ZDHHC1: variants seen among roughly 807,000 people sequenced by gnomAD.
ZDHHC1 encodes the protein zDHHC palmitoyltransferase 1.
A neutral mutation model predicts 46.9 loss-of-function variants in ZDHHC1; 45 were observed. That is an observed-to-expected ratio of 0.96 (90% confidence interval 0.76 to 1.23). The LOEUF is 1.23. Among genes scored for constraint, ZDHHC1 ranks in the 50% most tolerant of loss-of-function variants. ZDHHC1 has a pLI of 0.00. For synonymous variants in ZDHHC1, 291 were observed against 286.0 expected (o/e 1.02, Z -0.18); for missense variants, 649 against 670.8 (o/e 0.97, Z 0.36).
chr16:67,407,071 G>A (rs1392367929), intron 2 of ZDHHC1, among the ~76,000 whole-genome samples: 1 of 152,198 alleles, frequency 6.6e-6, no homozygotes, highest in Non-Finnish European at 1.5e-5. Context: ...GTTCCCTTCA[G>A]CAGCAGAAAT....
Position 67,395,192 on chromosome 16 carries a change from G to C in ZDHHC1, c.1099C>G (p.Pro367Ala), listed in dbSNP as rs779967843. 2.6e-5 allele frequency: 42 copies of C among 1,612,446 alleles called. No individual in the cohort carries two copies. The highest frequency in any genetic ancestry group is 3.3e-5 in the Non-Finnish European group (39 of 1,179,830). Residue 367 changes from proline (P) to alanine (A), a missense_variant, in exon 10 of 12, where the codon CCC becomes GCC. Physicochemically the swap from Pro to Ala is conservative, Grantham distance 27. Coordinates refer to ENST00000565726, the MANE Select transcript of ZDHHC1 (RefSeq NM_001323627.2). ...CCCAGCACAGTCCCTCCTACCTGGG[G>C]TCGGATCCGGGGAGGCAGGGCGAGA... ...DTLALPPRIR[P>A]QKKRKRRVYK...
chr16:67,402,783 C>T (rs530203912), intron 3 of ZDHHC1, among the ~76,000 whole-genome samples: 10 of 152,278 alleles, frequency 6.6e-5, no homozygotes, highest in East Asian at 5.8e-4. Context: ...TTCGCCACCA[C>T]GCCTGGCTAA....
intron 6 of ZDHHC1, 36 bp from the exon 7 acceptor site, chr16:67,398,767 C>A (rs374778259): frequency 4.3e-6 from 7 of 1,611,680 alleles, no homozygotes; most frequent in Middle Eastern, 1.7e-4. Flanking sequence ...CAGCCGGGGA[C>A]GTGACGGGTG....
chr16:67,397,615 G>T (rs1430894912), intron 8 of ZDHHC1, among the ~76,000 whole-genome samples: 2 of 152,140 alleles, frequency 1.3e-5, no homozygotes, highest in Non-Finnish European at 2.9e-5. Flanking sequence ...CTAGTCCCTA[G>T]GGGCTCCTTT....
rs370038434 is a variant in ZDHHC1, at chr16:67,406,245, G to A, written c.207C>T (p.Ile69=). The A allele has an allele frequency of 2.5e-6, 4 of 1,613,196 alleles. No homozygotes were observed. In the African/African-American group the frequency reaches 4.0e-5, roughly 16 times the overall value. The change falls in exon 3 of 12, where the codon ATC becomes ATT. Residue 69 remains isoleucine, a synonymous_variant. Transcript: ENST00000565726. This position sits in a 1 kb window ranked among gnomAD's most constrained non-coding sequence, Gnocchi z 4.1. ...YLFFAVIGFG[I]LVPLLPHHWV... ...AGTGGTGAGGCAGGAGGGGAACAAG[G>A]ATCCCAAAGCCGATCACAGCAAAGA...
Position 67,408,719 on chromosome 16 carries a change from C to G in ZDHHC1, c.-38-906G>C, listed in dbSNP as rs137881739. Among the ~76,000 whole-genome samples the G allele has an allele frequency of 7.7e-3, 1,173 of 152,312 alleles. 17 individuals are homozygous for G. The highest frequency in any genetic ancestry group is 0.027 in the African/African-American group (1,122 of 41,558). On this transcript the variant is annotated intron_variant, in intron 1 of 11. Coordinates refer to ENST00000565726, the MANE Select transcript of ZDHHC1 (RefSeq NM_001323627.2). Reference sequence around the variant, plus strand: ...CAGGCTGGTCTCCAACTCCTGGGCTCAAGCGATCTTCCCACTTTATCCTCC... The same window carrying G: ...CAGGCTGGTCTCCAACTCCTGGGCTGAAGCGATCTTCCCACTTTATCCTCC...
At chr16:67,396,361 G>C (rs1429563895) in intron 8 of ZDHHC1, 3 of 152,316 alleles carry the variant, frequency 2.0e-5, no homozygotes, top group Non-Finnish European at 2.9e-5. Flanking sequence ...TGCGAGATGG[G>C]GGCGGGTCCC....
At chr16:67,398,503 G>A (rs1430314083) in intron 7 of ZDHHC1, 70 bp downstream of exon 7, 7 of 1,542,138 alleles carry the variant, frequency 4.5e-6, no homozygotes, top group South Asian at 3.5e-5. Context: ...AGGGTCCACC[G>A]TCCAACTGGG....
At chr16:67,409,056 A>G (rs2040708269) in intron 1 of ZDHHC1, among the ~76,000 whole-genome samples, 2 of 152,106 alleles carry the variant, frequency 1.3e-5, no homozygotes, top group South Asian at 4.1e-4. Flanking sequence ...GGAGTTTCCA[A>G]AGAGCAAAAC....
chr16:67,408,742 T>TC (rs1009895788), intron 1 of ZDHHC1, among the ~76,000 whole-genome samples: 18 of 152,172 alleles, frequency 1.2e-4, no homozygotes, highest in African/African-American at 4.3e-4. Flanking sequence ...CACTTTATCC[T>TC]CCCAAAGCAC....
chr16:67,410,586 A>G (rs1261366605), intron 1 of ZDHHC1, among the ~76,000 whole-genome samples: 1 of 152,064 alleles, frequency 6.6e-6, no homozygotes, highest in Non-Finnish European at 1.5e-5. Flanking sequence ...TCACATTAAC[A>G]TTCACTTGCT....
chr16:67,395,853 AGCCAGG>A, intron 8 of ZDHHC1: 1 of 425,292 alleles, frequency 2.4e-6, no homozygotes, highest in South Asian at 2.9e-5. Context: ...AGAGAGGCTC[AGCCAGG>A]GAGTGGTGGG....
At chr16:67,411,300 A>G (rs2040744425) in intron 1 of ZDHHC1, among the ~76,000 whole-genome samples, 1 of 152,132 alleles carries the variant, frequency 6.6e-6, no homozygotes. Context: ...TGATGGGGTC[A>G]GAGGAGAAAG....
chr16:67,404,798 A>T (rs2040623058), intron 3 of ZDHHC1: 2 of 446,564 alleles, frequency 4.5e-6, no homozygotes, highest in Non-Finnish European at 9.1e-6. Context: ...TGGCTGACGC[A>T]GGGCCTGGCA....
At chr16:67,408,462 A>G (rs1035327935) in intron 1 of ZDHHC1, among the ~76,000 whole-genome samples, 1 of 150,206 alleles carries the variant, frequency 6.7e-6, no homozygotes, top group African/African-American at 2.5e-5. Context: ...GGCGTGAGCC[A>G]CCGTGCCCGG....
chr16:67,406,486 T>G lies in ZDHHC1; in HGVS notation c.10-44A>C. On this transcript the variant is annotated intron_variant, in intron 2 of 11. Coordinates refer to ENST00000565726, the MANE Select transcript of ZDHHC1 (RefSeq NM_001323627.2). This position sits in a 1 kb window ranked among gnomAD's most constrained non-coding sequence, Gnocchi z 4.1. ...TAGAGAGAGCATTAGCCCAAGAAGC[T>G]GGGCTGGAGCCCAGGGCCTGTGTCT... 6.9e-7 allele frequency: 1 copy of G among 1,458,610 alleles called. No individual in the cohort carries two copies. The highest frequency in any genetic ancestry group is 1.4e-5 in the African/African-American group (1 of 70,160). The allele number at this position is 1,458,610 out of a possible 1,614,324, so 90.4% of individuals were successfully genotyped here.
rs2040484207 is a variant in ZDHHC1 at position 67,398,723 on chromosome 16, T to A, written c.664A>T (p.Asn222Tyr). The change falls in exon 7 of 12, where the codon AAT (asparagine) becomes TAT (tyrosine). Residue 222 changes from asparagine (N) to tyrosine (Y), a missense_variant. Coordinates refer to ENST00000565726, the MANE Select transcript of ZDHHC1 (RefSeq NM_001323627.2). The part of the protein sequence containing the change: ...RTNRHFEVLK[N>Y]HTDVWFVFLP... Reference sequence around the variant, plus strand: ...AACACGAACCACACATCCGTGTGATTCTTCAGGACTGCAAGGCACAGGCAG... The same window carrying A: ...AACACGAACCACACATCCGTGTGATACTTCAGGACTGCAAGGCACAGGCAG... 1.2e-6 allele frequency: 2 copies of A among 1,609,646 alleles called. No homozygotes were observed. Among genetic ancestry groups the A allele is most frequent in the Non-Finnish European group, 1.7e-6 (2 of 1,178,598 alleles).
At chr16:67,402,548 T>C (rs187630950) in intron 3 of ZDHHC1, among the ~76,000 whole-genome samples, 2 of 152,286 alleles carry the variant, frequency 1.3e-5, no homozygotes, top group Admixed American at 1.3e-4. Context: ...TGAGGTCTTT[T>C]GTTGTGACAG....
rs768311820 is a variant in ZDHHC1 at position 67,401,154 on chromosome 16, T to C, written c.253-22A>G. On this transcript the variant is annotated intron_variant, in intron 3 of 11. Coordinates refer to ENST00000565726, the MANE Select transcript of ZDHHC1 (RefSeq NM_001323627.2). This position sits in a 1 kb window ranked among gnomAD's most constrained non-coding sequence, Gnocchi z 4.6. ...TGCACTGGCCCAGCAGGTTAAAGAC[T>C]CACTCCACTCTGCCGGCTGGGAGTC... 4.3e-6 allele frequency: 7 copies of C among 1,611,074 alleles called. No individual in the cohort carries two copies. The highest frequency in any genetic ancestry group is 5.9e-6 in the Non-Finnish European group (7 of 1,178,896).
Sources: allele counts gnomAD v4.1 joint callset (sites outside exome capture counted in the v4.1 genomes callset), GRCh38; gene constraint gnomAD v4.1.1; non-coding constraint Gnocchi (gnomAD v3.1); transcripts MANE v1.5; gene names NCBI Gene and HGNC (gene_info 2026-07-23, HGNC 2026-07-21).